The following COX11 variants were observed in gnomAD, a reference collection of about 807,000 sequenced individuals.
COX11 encodes the protein cytochrome c oxidase copper chaperone COX11.
Under a neutral mutation model 29.4 loss-of-function variants are expected in COX11, and 18 were observed. The ratio of observed to expected loss-of-function variants is 0.61; its 90% CI spans 0.42 to 0.91. COX11 has a LOEUF of 0.91. Ranked by LOEUF, COX11 falls within the 40% of genes least tolerant of loss-of-function variation. The pLI, the probability that COX11 is intolerant of heterozygous loss-of-function variation, is 0.00. For synonymous variants in COX11, 131 were observed against 124.0 expected (o/e 1.06, Z -0.38); for missense variants, 312 against 346.0 (o/e 0.90, Z 0.78).
In COX11 at chr17:54,963,361, A is replaced by C; in HGVS notation, c.593T>G (p.Ile198Ser). 6.2e-7 allele frequency: 1 copy of C among 1,612,488 alleles called. No individual in the cohort carries two copies. Among genetic ancestry groups the C allele is most frequent in the Non-Finnish European group, 8.5e-7 (1 of 1,179,090 alleles). The change falls in exon 3 of 4, where the codon ATT becomes AGT. Residue 198 changes from isoleucine to serine, a missense_variant. Ile to Ser is a moderately radical substitution (Grantham distance 142). This residue lies in a region of COX11 where 182 missense variants were observed against 240.0 expected (regional missense o/e 0.76). Coordinates refer to ENST00000299335, the MANE Select transcript of COX11 (RefSeq NM_004375.5). ...AAATGGAACAATATTGTATGTAGAA[A>C]TTCCAATTACTGGTTTGTCAGTAGG... The part of the protein sequence containing the change: ...KNPTDKPVIG[I>S]STYNIVPFEA...
rs61747613 is a variant in COX11, at chr17:54,968,347, G to A, written c.300C>T (p.Ala100=). Residue 100 remains alanine, a synonymous_variant, in exon 1 of 4, where the codon GCC becomes GCT. Coordinates refer to ENST00000299335, the MANE Select transcript of COX11 (RefSeq NM_004375.5). ...RQNKTTLTYV[A]AVAVGMLGAS... is the part of the protein sequence containing the mutation. The stretch of plus-strand genomic sequence containing the variant: ...CCCCCAGCATGCCCACGGCGACAGC[G>A]GCCACGTAAGTGAGGGTCGTCTTGT... The A allele has an allele frequency of 1.8e-4, 289 of 1,612,892 alleles. No homozygotes were observed. Among genetic ancestry groups the A allele is most frequent in the Non-Finnish European group, 2.3e-4 (271 of 1,179,928 alleles).
At chr17:54,968,209 CTTGTCCCGGGA>C (rs1311293108) in intron 1 of COX11, 61 bp downstream of exon 1, 2 of 1,553,378 alleles carry the variant, frequency 1.3e-6, no homozygotes, top group Non-Finnish European at 1.7e-6. Context: ...AGAGCGAGGG[CTTGTCCCGGGA>C]TTTGTCTTGC....
chr17:54,968,134 G>T, intron 1 of COX11, 147 bp downstream of exon 1: 2 of 1,275,298 alleles, frequency 1.6e-6, no homozygotes, highest in Non-Finnish European at 2.1e-6. Context: ...GGTGTTAAGT[G>T]ACTGTTTTGA....
chr17:54,954,213 T>C (rs1335909489), exon 1 of COX11: 1 of 152,214 alleles, frequency 6.6e-6, no homozygotes, highest in East Asian at 1.9e-4. Flanking sequence ...GTGAGCAGGG[T>C]TGCTGTTACG....
At chr17:54,968,223 T>G (rs2077303973) in intron 1 of COX11, 58 bp downstream of exon 1, 1 of 1,566,750 alleles carries the variant, frequency 6.4e-7, no homozygotes, top group Non-Finnish European at 8.6e-7. Flanking sequence ...TCCCGGGATT[T>G]GTCTTGCACC....
chr17:54,954,010 TG>T (rs1050038774), exon 1 of COX11: 1 of 152,222 alleles, frequency 6.6e-6, no homozygotes, highest in Non-Finnish European at 1.5e-5. Context: ...GGGACTGGCT[TG>T]CTTCCCTCAT....
chr17:54,955,460 A>G (rs2049453004), downstream of COX11, among the ~76,000 whole-genome samples: 1 of 152,164 alleles, frequency 6.6e-6, no homozygotes, highest in African/African-American at 2.4e-5. Context: ...GGGTCTCCTC[A>G]TCAAACTAAC....
intron 1 of COX11, among the ~76,000 whole-genome samples, chr17:54,965,340 C>G (rs2077199006): frequency 6.6e-6 from 1 of 152,174 alleles, no homozygotes; most frequent in Non-Finnish European, 1.5e-5. Flanking sequence ...TGTAGCTTCA[C>G]TTTTATTAAC....
chr17:54,954,148 C>CATATT (rs2144015414), exon 1 of COX11: 1 of 152,322 alleles, frequency 6.6e-6, no homozygotes, highest in South Asian at 2.1e-4. Context: ...TATCAGCACA[C>CATATT]ATATTGTCTG....
At position 54,962,862 on chromosome 17, in the gene COX11, T is replaced by C; in HGVS notation, c.702A>G (p.Pro234=). The part of the protein sequence containing the change: ...RLNPQEEVDM[P]VFFYIDPEFA... ...ATTCAGGATCAATGTAGAAAAACAC[T>C]GGCATATCTACTTCCTCTTGGGGAT... Residue 234 remains proline (P), a synonymous_variant, in exon 4 of 4, where the codon CCA becomes CCG. Coordinates refer to ENST00000299335, the MANE Select transcript of COX11 (RefSeq NM_004375.5). 1 of 1,613,202 alleles carries C rather than the reference T, an allele frequency of 6.2e-7. No individual in the cohort carries two copies. Among genetic ancestry groups the C allele is most frequent in the African/African-American group, 1.3e-5 (1 of 75,030 alleles).
At chr17:54,960,208 C>T (rs1476975992), downstream of COX11, among the ~76,000 whole-genome samples, 1 of 151,768 alleles carries the variant, frequency 6.6e-6, no homozygotes, top group African/African-American at 2.4e-5. Flanking sequence ...ACTTAAAATA[C>T]AAAAAAATTA....
At chr17:54,952,906 T>C (rs2049307938) in exon 1 of COX11, 1 of 152,206 alleles carries the variant, frequency 6.6e-6, no homozygotes, top group African/African-American at 2.4e-5. Context: ...AAAAGGAGAA[T>C]GGGATGTTTG....
At chr17:54,954,303 A>G (rs892675987) in exon 1 of COX11, 1 of 152,230 alleles carries the variant, frequency 6.6e-6, no homozygotes, top group African/African-American at 2.4e-5. Flanking sequence ...GGGCTCACCC[A>G]TAAGCCCTTA....
exon 1 of COX11, chr17:54,952,564 A>AG (rs1160474825): frequency 6.6e-6 from 1 of 152,234 alleles, no homozygotes; most frequent in African/African-American, 2.4e-5. Flanking sequence ...AAAAAAAAAA[A>AG]AAAATATGGC....
chr17:54,968,559 C>G lies in COX11; in HGVS notation c.88G>C (p.Glu30Gln), dbSNP rs1192763390. 2 of 1,613,006 alleles carry G rather than the reference C, an allele frequency of 1.2e-6. No individual in the cohort carries two copies. The highest frequency in any genetic ancestry group is 4.5e-5 in the East Asian group (2 of 44,864). ...GGCCTAAGAAACGGCTCTACCCTCT[C>G]TGCAGCCCTGGTTGGAGACCCAGGG... Reference protein sequence around the residue: ...IHPGSPTRAAERVEPFLRPEW... With the variant: ...IHPGSPTRAAQRVEPFLRPEW... Residue 30 changes from glutamate to glutamine, a missense_variant, in exon 1 of 4, where the codon GAG (glutamate) becomes CAG (glutamine). Physicochemically the swap from Glu to Gln is conservative, Grantham distance 29. Around this residue, in one of 2 missense-constraint regions of COX11, gnomAD observed 130 missense variants for 106.0 expected, o/e 1.23. Coordinates refer to ENST00000299335, the MANE Select transcript of COX11 (RefSeq NM_004375.5).
rs2077121220 is a variant in COX11 at position 54,961,377 on chromosome 17, A to G, written c.*1356T>C. 13 of 1,550,188 alleles carry G rather than the reference A, an allele frequency of 8.4e-6. No homozygotes were observed. In the South Asian group the frequency reaches 1.5e-4, roughly 18 times the overall value. On this transcript the variant is annotated 3_prime_UTR_variant, in exon 4 of 4. Coordinates refer to ENST00000299335, the MANE Select transcript of COX11 (RefSeq NM_004375.5). Reference sequence around the variant, plus strand: ...GCACATTTCTGCTATAATGAAGATTAAATAGAATAACAGTTCCAGGATAAC... The same window carrying G: ...GCACATTTCTGCTATAATGAAGATTGAATAGAATAACAGTTCCAGGATAAC...
chr17:54,953,815 T>C (rs1480850814), exon 1 of COX11: 2 of 152,218 alleles, frequency 1.3e-5, no homozygotes, highest in African/African-American at 4.8e-5. Context: ...TATTGCCACT[T>C]TTTAGAGTTT....
In COX11 at chr17:54,962,873, C is replaced by T. The variant is rs1201965551; in HGVS notation, c.691G>A (p.Val231Ile). The T allele has an allele frequency of 6.2e-7, 1 of 1,613,052 alleles. No individual in the cohort carries two copies. The highest frequency in any genetic ancestry group is 8.5e-7 in the Non-Finnish European group (1 of 1,179,292). Residue 231 changes from valine (V) to isoleucine (I), a missense_variant, in exon 4 of 4, where the codon GTA (valine) becomes ATA (isoleucine). By Grantham distance (29) the Val-to-Ile change is conservative. This residue lies in a region of COX11 where 182 missense variants were observed against 240.0 expected (regional missense o/e 0.76). Transcript: ENST00000299335. ...ATGTAGAAAAACACTGGCATATCTACTTCCTCTTGGGGATTAAGCCTTTGT... is the reference window on the plus strand; with the variant it reads ...ATGTAGAAAAACACTGGCATATCTATTTCCTCTTGGGGATTAAGCCTTTGT... ...EEQRLNPQEE[V>I]DMPVFFYIDP...
In COX11 at chr17:54,962,866, A is replaced by G; in HGVS notation, c.698T>C (p.Met233Thr). The change falls in exon 4 of 4, where the codon ATG becomes ACG. Residue 233 changes from methionine to threonine, a missense_variant. Around this residue, in one of 2 missense-constraint regions of COX11, gnomAD observed 182 missense variants for 240.0 expected, o/e 0.76. Transcript: ENST00000299335. ...AGGATCAATGTAGAAAAACACTGGC[A>G]TATCTACTTCCTCTTGGGGATTAAG... is the stretch of plus-strand genomic sequence containing the variant. ...QRLNPQEEVD[M>T]PVFFYIDPEF... The G allele has an allele frequency of 5.0e-6, 8 of 1,613,188 alleles. No homozygotes were observed. Among genetic ancestry groups the G allele is most frequent in the East Asian group, 2.2e-5 (1 of 44,760 alleles).
Sources: gnomAD v4.1 joint callset for allele counts (sites outside exome capture counted in the v4.1 genomes callset) on GRCh38, gnomAD v4.1.1 for gene constraint, gnomAD v4.1.1 regional missense constraint, MANE v1.5 for transcripts, NCBI Gene and HGNC (gene_info 2026-07-23, HGNC 2026-07-21) for gene names.